The following AMBRA1 variants were observed in gnomAD, a reference collection of about 807,000 sequenced individuals.
AMBRA1 encodes the protein activating molecule in BECN1-regulated autophagy protein 1.
AMBRA1 carries 47 observed loss-of-function variants against 125.4 expected under a neutral mutation model. The observed-to-expected ratio is 0.37, with a 90% CI of 0.30 to 0.48. The LOEUF (loss-of-function observed/expected upper bound fraction) is 0.48. Ranked by LOEUF, AMBRA1 falls within the 20% of genes least tolerant of loss-of-function variation. The pLI, the probability that AMBRA1 is intolerant of heterozygous loss-of-function variation, is 0.99. For missense variants in AMBRA1, 1,331 were observed against 1,693.4 expected (o/e 0.79, Z 3.76); for synonymous variants, 626 against 655.5 (o/e 0.95, Z 0.69).
chr11:46,580,635 C>T (rs1211871987), intron 1 of AMBRA1, among the ~76,000 whole-genome samples: 2 of 152,202 alleles, frequency 1.3e-5, no homozygotes, highest in African/African-American at 4.8e-5. Context: ...AAAATATCTA[C>T]TGAATCTTTC....
chr11:46,454,279 T>C (rs958816060), intron 11 of AMBRA1, among the ~76,000 whole-genome samples: 2 of 151,976 alleles, frequency 1.3e-5, no homozygotes, highest in African/African-American at 4.8e-5. Flanking sequence ...TCCTCCTACC[T>C]TGGCCTCTCA....
chr11:46,583,650 TCCA>T (rs1488891522), intron 1 of AMBRA1, among the ~76,000 whole-genome samples: 42 of 18,074 alleles, frequency 2.3e-3, no homozygotes, highest in African/African-American at 3.4e-3. Context: ...CAAACAAATT[TCCA>T]AAAAAAAAAA....
chr11:46,573,962 A>ACTCCAC (rs2043864356), intron 1 of AMBRA1, among the ~76,000 whole-genome samples: 1 of 143,022 alleles, frequency 7.0e-6, no homozygotes, highest in Non-Finnish European at 1.5e-5. Context: ...GATGATTTCC[A>ACTCCAC]ATTTCATCCA....
At chr11:46,508,476 T>A in intron 8 of AMBRA1, 106 bp from the exon 9 acceptor site, 1 of 1,143,064 alleles carries the variant, frequency 8.7e-7, no homozygotes, top group South Asian at 1.5e-5. Flanking sequence ...TGAGGTGAAC[T>A]CTGGAGACAT....
intron 11 of AMBRA1, among the ~76,000 whole-genome samples, chr11:46,483,219 T>C (rs904056023): frequency 6.6e-6 from 1 of 151,988 alleles, no homozygotes; most frequent in African/African-American, 2.4e-5. Flanking sequence ...AGGGTGAGTA[T>C]GTGGTTACAA....
Position 46,544,014 on chromosome 11 carries a change from G to A in AMBRA1, c.579C>T (p.His193=), listed in dbSNP as rs144454005. 82 of 1,614,008 alleles carry A rather than the reference G, an allele frequency of 5.1e-5. No individual in the cohort carries two copies. Among genetic ancestry groups the A allele is most frequent in the Admixed American group, 1.8e-4 (11 of 60,016 alleles). The change falls in exon 6 of 18, where the codon CAC becomes CAT. Residue 193 remains histidine, a synonymous_variant. Coordinates refer to ENST00000683756, the MANE Select transcript of AMBRA1 (RefSeq NM_001387011.1). ...VRLVRFDPLG[H]YLLTAIVNPS... ...GGTTAACAATTGCTGTGAGTAAGTA[G>A]TGTCCAAGTGGATCAAATCTCACCA...
chr11:46,557,321 A>G (rs2043190110), intron 1 of AMBRA1, among the ~76,000 whole-genome samples: 1 of 151,594 alleles, frequency 6.6e-6, no homozygotes, highest in African/African-American at 2.4e-5. Context: ...AAAAAAAGAA[A>G]GAAAGAAAAT....
intron 7 of AMBRA1, among the ~76,000 whole-genome samples, chr11:46,531,362 G>A (rs1952209229): frequency 6.6e-6 from 1 of 152,230 alleles, no homozygotes; most frequent in Non-Finnish European, 1.5e-5. Flanking sequence ...ACAGAATTCA[G>A]AGGCTCAAAC....
At chr11:46,475,075 A>T (rs183744352) in intron 11 of AMBRA1, among the ~76,000 whole-genome samples, 1 of 152,250 alleles carries the variant, frequency 6.6e-6, no homozygotes, top group African/African-American at 2.4e-5. Context: ...TTAAACTGAA[A>T]AACAGTCTTA....
chr11:46,534,070 A>T (rs1034953213), intron 7 of AMBRA1, among the ~76,000 whole-genome samples: 2 of 150,306 alleles, frequency 1.3e-5, no homozygotes, highest in Non-Finnish European at 3.0e-5. Flanking sequence ...AAATTGCAGC[A>T]TCCCCTACAT....
At chr11:46,522,381 A>G (rs1456373269) in intron 7 of AMBRA1, among the ~76,000 whole-genome samples, 1 of 152,216 alleles carries the variant, frequency 6.6e-6, no homozygotes, top group East Asian at 1.9e-4. Context: ...GCCAATCTAC[A>G]TGGACATCTT....
intron 9 of AMBRA1, among the ~76,000 whole-genome samples, chr11:46,500,639 A>G (rs1950802272): frequency 1.3e-5 from 2 of 152,230 alleles, no homozygotes; most frequent in South Asian, 4.1e-4. Context: ...CAAACACTCC[A>G]TAGCTCTAGC....
At chr11:46,416,477 A>G (rs1236869669) in intron 15 of AMBRA1, among the ~76,000 whole-genome samples, 1 of 152,210 alleles carries the variant, frequency 6.6e-6, no homozygotes, top group African/African-American at 2.4e-5. Context: ...GGAGGAGCTC[A>G]AAAAATTCAA....
intron 11 of AMBRA1, among the ~76,000 whole-genome samples, chr11:46,446,696 T>C (rs1301307890): frequency 6.6e-6 from 1 of 152,182 alleles, no homozygotes; most frequent in Non-Finnish European, 1.5e-5. Flanking sequence ...ACCAAAAATG[T>C]CTCCAGACAC....
intron 1 of AMBRA1, among the ~76,000 whole-genome samples, chr11:46,579,166 A>G (rs1273156421): frequency 6.6e-6 from 1 of 151,986 alleles, no homozygotes; most frequent in Non-Finnish European, 1.5e-5. Context: ...TTTTAAAAGT[A>G]CATAAAAAGG....
intron 12 of AMBRA1, among the ~76,000 whole-genome samples, chr11:46,436,412 T>A (rs1947719831): frequency 6.8e-6 from 1 of 146,956 alleles, no homozygotes; most frequent in Non-Finnish European, 1.6e-5. Flanking sequence ...ACTCGGGGGC[T>A]GACACCTACA....
At chr11:46,579,423 C>T (rs1279243508) in intron 1 of AMBRA1, among the ~76,000 whole-genome samples, 4 of 152,166 alleles carry the variant, frequency 2.6e-5, no homozygotes, top group Non-Finnish European at 4.4e-5. Flanking sequence ...CGCCATTGCA[C>T]TCCAGCCTGG....
At chr11:46,466,922 CTTT>C (rs11313362) in intron 11 of AMBRA1, among the ~76,000 whole-genome samples, 15 of 105,742 alleles carry the variant, frequency 1.4e-4, no homozygotes, top group East Asian at 2.6e-4. Context: ...TTTCTTTTTT[CTTT>C]TTTTTTTTTT....
chr11:46,549,925 TCTC>T (rs2042940486), intron 1 of AMBRA1, among the ~76,000 whole-genome samples: 1 of 152,052 alleles, frequency 6.6e-6, no homozygotes, highest in African/African-American at 2.4e-5. Context: ...TTCATGCAAT[TCTC>T]CTGCCTCAGC....
Sources: allele counts gnomAD v4.1 joint callset (sites outside exome capture counted in the v4.1 genomes callset), GRCh38; gene constraint gnomAD v4.1.1; transcripts MANE v1.5; gene names NCBI Gene and HGNC (gene_info 2026-07-23, HGNC 2026-07-21).